The following CYP3A43 variants were observed in gnomAD, a reference collection of about 807,000 sequenced individuals.
CYP3A43 encodes the protein cytochrome P450 3A43.
CYP3A43 carries 45 observed loss-of-function variants against 58.0 expected under a neutral mutation model. That is an observed-to-expected ratio of 0.78 (90% CI 0.61 to 0.99). The LOEUF (loss-of-function observed/expected upper bound fraction) is 0.99. CYP3A43 is among the 50% of genes least tolerant of loss of function. The pLI, the probability that CYP3A43 is intolerant of heterozygous loss-of-function variation, is 0.00. For missense variants in CYP3A43, 593 were observed against 591.9 expected (o/e 1.00, Z -0.02); for synonymous variants, 191 against 201.4 (o/e 0.95, Z 0.44).
chr7:99,842,952 C>T (rs1343654027), intron 3 of CYP3A43, among the ~76,000 whole-genome samples: 1 of 152,194 alleles, frequency 6.6e-6, no homozygotes, highest in Admixed American at 6.5e-5. Context: ...TGTCAATTTC[C>T]AGTTTACCTT....
At chr7:99,853,923 G>A (rs147977762) in intron 7 of CYP3A43, among the ~76,000 whole-genome samples, 1,567 of 152,148 alleles carry the variant, frequency 0.01, 24 homozygotes, top group African/African-American at 0.036. Flanking sequence ...TGGGGTACAC[G>A]AGATGGTTTT....
At position 99,849,600 on chromosome 7, in the gene CYP3A43, C is replaced by T. The variant is rs1267839068; in HGVS notation, c.576C>T (p.Asn192=). 3 of 1,613,150 alleles carry T rather than the reference C, an allele frequency of 1.9e-6. No homozygotes were observed. Among genetic ancestry groups the T allele is most frequent in the Non-Finnish European group, 2.5e-6 (3 of 1,179,806 alleles). Residue 192 remains asparagine (N), a synonymous_variant, in exon 7 of 13, where the codon AAC becomes AAT. Coordinates refer to ENST00000354829, the MANE Select transcript of CYP3A43 (RefSeq NM_057095.3). ...TCACTGGCACATTATTTGGAGTGAA[C>T]TTGGATTCTCTCAACAATCCACAAG... ...DVITGTLFGV[N]LDSLNNPQDP...
At chr7:99,860,172 C>G (rs945953291) in intron 10 of CYP3A43, among the ~76,000 whole-genome samples, 182 bp downstream of exon 10, 1 of 152,200 alleles carries the variant, frequency 6.6e-6, no homozygotes, top group Non-Finnish European at 1.5e-5. Context: ...ATGCTTCTTG[C>G]GTAAGTGTAA....
At chr7:99,839,283 C>A (rs1441222054) in intron 3 of CYP3A43, 111 bp downstream of exon 3, 1 of 1,302,256 alleles carries the variant, frequency 7.7e-7, no homozygotes, top group African/African-American at 1.5e-5. Flanking sequence ...TATTGTCAAC[C>A]TAAGTAACAA....
Position 99,828,097 on chromosome 7 carries a change from C to G in CYP3A43, c.-19C>G, listed in dbSNP as rs959209416. 5.6e-6 allele frequency: 9 copies of G among 1,610,994 alleles called. No individual in the cohort carries two copies. In the African/African-American group the frequency reaches 1.2e-4, roughly 22 times the overall value. ...TGAAAGAAAAACTCAGAAGACAGAG[C>G]TGAAAAAGAAAACTGGTGATGGATC... On this transcript the variant is annotated 5_prime_UTR_variant, in exon 1 of 13. Coordinates refer to ENST00000354829, the MANE Select transcript of CYP3A43 (RefSeq NM_057095.3).
intron 1 of CYP3A43, among the ~76,000 whole-genome samples, chr7:99,833,855 T>C (rs797006670): frequency 2.0e-5 from 3 of 151,948 alleles, no homozygotes; most frequent in African/African-American, 7.3e-5. Context: ...TAAACAGGGG[T>C]AAAAGGCAAG....
intron 9 of CYP3A43, among the ~76,000 whole-genome samples, chr7:99,857,858 T>C (rs1020533526): frequency 1.3e-5 from 2 of 151,926 alleles, no homozygotes; most frequent in Non-Finnish European, 2.9e-5. Context: ...TAATACTAAA[T>C]AAATAAAATA....
chr7:99,863,483 T>G, intron 11 of CYP3A43, 54 bp from the exon 12 acceptor site: 3 of 1,485,096 alleles, frequency 2.0e-6, no homozygotes, highest in Non-Finnish European at 2.7e-6. Context: ...AACGTGTAGT[T>G]TTAATAGTTT....
chr7:99,844,974 C>T (rs1175404487), intron 4 of CYP3A43, among the ~76,000 whole-genome samples: 1 of 151,078 alleles, frequency 6.6e-6, no homozygotes, highest in Admixed American at 6.6e-5. Flanking sequence ...GAGGCTGAGG[C>T]AGCAAAATCG....
chr7:99,843,622 C>T (rs574035028), intron 3 of CYP3A43, among the ~76,000 whole-genome samples: 51 of 152,064 alleles, frequency 3.4e-4, no homozygotes, highest in African/African-American at 1.1e-3. Context: ...TGAGCCACCA[C>T]GCCCAGCTAA....
At chr7:99,845,045 G>T (rs1404190937) in intron 4 of CYP3A43, among the ~76,000 whole-genome samples, 2 of 148,712 alleles carry the variant, frequency 1.3e-5, no homozygotes, top group African/African-American at 2.5e-5. Flanking sequence ...CTCCAGCCTG[G>T]CAACAGAGCA....
At chr7:99,839,215 G>T (rs778457000) in intron 3 of CYP3A43, 43 bp downstream of exon 3, 1 of 1,609,616 alleles carries the variant, frequency 6.2e-7, no homozygotes, top group Non-Finnish European at 8.5e-7. Flanking sequence ...CTGTTGCTAT[G>T]CTGAGTTATT....
At position 99,849,605 on chromosome 7, in the gene CYP3A43, A is replaced by C. The variant is rs144190027; in HGVS notation, c.581A>C (p.Asp194Ala). ...ITGTLFGVNL[D>A]SLNNPQDPFL... ...GGCACATTATTTGGAGTGAACTTGG[A>C]TTCTCTCAACAATCCACAAGATCCC... Residue 194 changes from aspartate to alanine, a missense_variant, in exon 7 of 13, where the codon GAT becomes GCT. By Grantham distance (126) the Asp-to-Ala change is moderately radical. Coordinates refer to ENST00000354829, the MANE Select transcript of CYP3A43 (RefSeq NM_057095.3). 28 of 1,612,944 alleles carry C rather than the reference A, an allele frequency of 1.7e-5. No individual in the cohort carries two copies. Among genetic ancestry groups the C allele is most frequent in the Non-Finnish European group, 2.1e-5 (25 of 1,179,776 alleles).
At chr7:99,854,363 T>A (rs1817891552) in intron 7 of CYP3A43, among the ~76,000 whole-genome samples, 1 of 151,914 alleles carries the variant, frequency 6.6e-6, no homozygotes, top group Non-Finnish European at 1.5e-5. Flanking sequence ...TCCACCACCA[T>A]GCCCAGCTAA....
rs1342505031 is a variant in CYP3A43 at position 99,847,574 on chromosome 7, A to G, written c.405A>G (p.Pro135=). 6.2e-7 allele frequency: 1 copy of G among 1,613,864 alleles called. No homozygotes were observed. Among genetic ancestry groups the G allele is most frequent in the Non-Finnish European group, 8.5e-7 (1 of 1,179,908 alleles). ...AGAGAATACGAACATTGCTATCTCC[A>G]GCTTTCACCAGTGTAAAATTCAAGG... ...EWKRIRTLLS[P]AFTSVKFKEM... The change falls in exon 5 of 13, where the codon CCA becomes CCG. Residue 135 remains proline (P), a synonymous_variant. Transcript: ENST00000354829.
chr7:99,848,575 G>A (rs1022248389), intron 6 of CYP3A43, among the ~76,000 whole-genome samples: 1 of 152,156 alleles, frequency 6.6e-6, no homozygotes, highest in East Asian at 1.9e-4. Flanking sequence ...GAGCATAGAC[G>A]TTATGGAGTG....
rs1322388784 is a variant in CYP3A43, at chr7:99,828,119, G to T, written c.4G>T (p.Asp2Tyr). The stretch of plus-strand genomic sequence containing the variant: ...GAGCTGAAAAAGAAAACTGGTGATG[G>T]ATCTCATTCCAAACTTTGCCATGGA... Reference protein sequence around the residue: MDLIPNFAMETW... With the variant: MYLIPNFAMETW... Residue 2 changes from aspartate (D) to tyrosine (Y), a missense_variant, in exon 1 of 13, where the codon GAT (aspartate) becomes TAT (tyrosine). Physicochemically the swap from Asp to Tyr is radical, Grantham distance 160 (BLOSUM62 -3). Transcript: ENST00000354829. 4.3e-6 allele frequency: 7 copies of T among 1,612,844 alleles called. No homozygotes were observed. Among genetic ancestry groups the T allele is most frequent in the Non-Finnish European group, 5.9e-6 (7 of 1,179,302 alleles).
intron 8 of CYP3A43, among the ~76,000 whole-genome samples, chr7:99,856,159 A>C (rs1350509615): frequency 6.6e-6 from 1 of 152,220 alleles, no homozygotes; most frequent in Non-Finnish European, 1.5e-5. Context: ...CTTCAGCAGG[A>C]GTCCCTACCA....
Position 99,863,700 on chromosome 7 carries a change from G to T in CYP3A43, c.1416+1G>T. On this transcript the variant is annotated splice_donor_variant, in intron 12 of 12. Transcript: ENST00000354829. LOFTEE classifies it high-confidence loss of function. ...CTTCAAACCTTGTAAAGAGACTCAGGTCAGTAAACTTTCTTATAAATAATG... is the reference window on the plus strand; with the variant it reads ...CTTCAAACCTTGTAAAGAGACTCAGTTCAGTAAACTTTCTTATAAATAATG... 1 of 1,571,756 alleles carries T rather than the reference G, an allele frequency of 6.4e-7. No homozygotes were observed. The highest frequency in any genetic ancestry group is 1.2e-5 in the South Asian group (1 of 83,078).
Sources: allele counts gnomAD v4.1 joint callset (sites outside exome capture counted in the v4.1 genomes callset), GRCh38; gene constraint gnomAD v4.1.1; transcripts MANE v1.5; gene names NCBI Gene and HGNC (gene_info 2026-07-23, HGNC 2026-07-21).